The following FLT4 variants were observed in gnomAD, a reference collection of about 807,000 sequenced individuals.
The protein encoded by FLT4 is vascular endothelial growth factor receptor 3.
Under a neutral mutation model 163.2 loss-of-function variants are expected in FLT4, and 30 were observed. That is an observed-to-expected ratio of 0.18 (90% CI 0.14 to 0.25). The LOEUF is 0.25. Among genes scored for constraint, FLT4 ranks in the 10% least tolerant of loss-of-function variants. The pLI, the probability that FLT4 is intolerant of heterozygous loss-of-function variation, is 1.00. For synonymous variants in FLT4, 884 were observed against 789.5 expected, an observed-to-expected ratio of 1.12 and a Z score of -2.01; for missense variants, 1,510 against 1,863.8, an observed-to-expected ratio of 0.81 and a Z score of 3.50.
chr5:180,613,644 A>G, intron 24 of FLT4: 2 of 317,046 alleles, frequency 6.3e-6, no homozygotes, highest in Non-Finnish European at 1.2e-5. Context: ...AGCGTGGATC[A>G]GTTGCCACTT....
intron 10 of FLT4, 103 bp from the exon 11 acceptor site, chr5:180,624,164 A>C: frequency 2.2e-6 from 3 of 1,356,002 alleles, no homozygotes; most frequent in Non-Finnish European, 2.0e-6. Context: ...ACCTTCTCAT[A>C]TGGGGTCGTG....
At chr5:180,641,957 A>C (rs455169) in intron 1 of FLT4, among the ~76,000 whole-genome samples, 30,707 of 152,106 alleles carry the variant, frequency 0.2, 3,452 homozygotes, top group African/African-American at 0.29. Flanking sequence ...GCCTGTAATC[A>C]CAGCACTTTG....
chr5:180,603,431 C>T, intron 29 of FLT4, 41 bp from the exon 30 acceptor site: 1 of 1,592,440 alleles, frequency 6.3e-7, no homozygotes, highest in South Asian at 1.1e-5. Context: ...GAGAAGAAGG[C>T]TGGGTGGCGG....
At chr5:180,608,116 C>T in intron 29 of FLT4, 1 of 700,484 alleles carries the variant, frequency 1.4e-6, no homozygotes, top group South Asian at 1.5e-5. Flanking sequence ...TCAGTGGTCA[C>T]ACTCCTTGTC....
rs1354599057 is a variant in FLT4, at chr5:180,621,017, G to T, written c.2168-10C>A. The T allele has an allele frequency of 6.2e-7, 1 of 1,611,546 alleles. No homozygotes were observed. Among genetic ancestry groups the T allele is most frequent in the South Asian group, 1.1e-5 (1 of 91,044 alleles). The stretch of plus-strand genomic sequence containing the variant: ...TCCGCCAAGTCGACTCCTGCAGGGG[G>T]TGGGGTGGAGGTGCGGGTCCACCTG... On this transcript the variant is annotated splice_polypyrimidine_tract_variant and intron_variant, in intron 14 of 29. Transcript: ENST00000261937.
At chr5:180,642,433 G>C (rs575441947) in intron 1 of FLT4, among the ~76,000 whole-genome samples, 1 of 152,280 alleles carries the variant, frequency 6.6e-6, no homozygotes, top group East Asian at 1.9e-4. Context: ...ACACAGGCCA[G>C]AGTGCCGGTG....
upstream of FLT4, chr5:180,649,647 G>A: frequency 4.3e-6 from 2 of 468,188 alleles, no homozygotes; most frequent in Non-Finnish European, 5.9e-6. Context: ...GGCGGGGCGG[G>A]GGCCGGAGGC....
intron 10 of FLT4, among the ~76,000 whole-genome samples, chr5:180,624,427 C>A (rs753717260): frequency 3.3e-5 from 5 of 152,138 alleles, no homozygotes; most frequent in Admixed American, 6.5e-5. Flanking sequence ...CGGGGTTTCT[C>A]CATGTTGGTC....
chr5:180,612,512 G>A lies in FLT4; in HGVS notation c.3531C>T (p.Gly1177=), dbSNP rs781065996. 8 of 1,612,306 alleles carry A rather than the reference G, an allele frequency of 5.0e-6. No homozygotes were observed. The highest frequency in any genetic ancestry group is 6.8e-6 in the Non-Finnish European group (8 of 1,178,536). ...GGGTGGGGAAGGGGCTCACTTGCAGGCCCCTGCCCTGGAGCAGGTCCCCCA... is the reference window on the plus strand; with the variant it reads ...GGGTGGGGAAGGGGCTCACTTGCAGACCCCTGCCCTGGAGCAGGTCCCCCA... The part of the protein sequence containing the change: ...EILGDLLQGR[G]LQEEEEVCMA... Residue 1177 remains glycine, a synonymous_variant, in exon 26 of 30, where the codon GGC becomes GGT. Transcript: ENST00000261937.
intron 19 of FLT4, 43 bp downstream of exon 19, chr5:180,619,194 CCGCCCGCGGCGCCCCG>C: frequency 7.4e-7 from 1 of 1,346,326 alleles, no homozygotes; most frequent in Non-Finnish European, 9.6e-7. Context: ...GCGCCCCCTC[CCGCCCGCGGCGCCCCG>C]CGCCCGGGGT....
chr5:180,637,245 G>A (rs989082221), intron 1 of FLT4, among the ~76,000 whole-genome samples: 42 of 151,194 alleles, frequency 2.8e-4, no homozygotes, highest in African/African-American at 9.3e-4. Context: ...CAGGAGAATC[G>A]CTTGAACCTG....
In FLT4 at chr5:180,623,938, ATTC is replaced by A. The variant is rs1405033073; in HGVS notation, c.1542_1544del (p.Lys514del). On this transcript the variant is annotated inframe_deletion, in exon 11 of 30. Transcript: ENST00000261937. This position sits in a 1 kb window ranked among gnomAD's most constrained non-coding sequence, Gnocchi z 5.8. Reference sequence around the variant, plus strand: ...CAGCAGCGCGGCTGGCCTGTACCTTATTCTTTCCCTCCACAAACTCGGTCCAGG... The same window carrying A: ...CAGCAGCGCGGCTGGCCTGTACCTTATTTCCCTCCACAAACTCGGTCCAGG... The A allele has an allele frequency of 6.2e-7, 1 of 1,613,354 alleles. No homozygotes were observed. Among genetic ancestry groups the A allele is most frequent in the South Asian group, 1.1e-5 (1 of 91,066 alleles).
chr5:180,647,454 G>A (rs566522802), intron 1 of FLT4, among the ~76,000 whole-genome samples: 52 of 152,254 alleles, frequency 3.4e-4, no homozygotes, highest in African/African-American at 1.2e-3. Context: ...GGACTTTACG[G>A]CAGAGGCAGG....
rs1335252025 is a variant in FLT4 at position 180,602,161 on chromosome 5, A to G, written c.*1031T>C. 4 of 234,308 alleles carry G rather than the reference A, an allele frequency of 1.7e-5. No individual in the cohort carries two copies. The highest frequency in any genetic ancestry group is 3.4e-5 in the Non-Finnish European group (4 of 118,908). The allele number at this position is 234,308 out of a possible 1,614,324, so 14.5% of individuals were successfully genotyped here. A position where few individuals can be genotyped will look rare whatever the true frequency, so the allele number is the denominator to read the frequency against. Reference sequence around the variant, plus strand: ...ATGTCCACTGAGTGCTGGGTGGCACAGGGCAATGCTGGGTGGTCCTTTGTG... The same window carrying G: ...ATGTCCACTGAGTGCTGGGTGGCACGGGGCAATGCTGGGTGGTCCTTTGTG... On this transcript the variant is annotated 3_prime_UTR_variant, in exon 30 of 30. Coordinates refer to ENST00000261937, the MANE Select transcript of FLT4 (RefSeq NM_182925.5).
rs1218205510 is a variant in FLT4 at position 180,616,989 on chromosome 5, C to T, written c.3007G>A (p.Asp1003Asn). 1 of 1,612,910 alleles carries T rather than the reference C, an allele frequency of 6.2e-7. No individual in the cohort carries two copies. The highest frequency in any genetic ancestry group is 2.2e-5 in the East Asian group (1 of 44,886). The stretch of plus-strand genomic sequence containing the variant: ...ATGGTCAGCGGGCTCAGCCACAGGT[C>T]CTCAGCTACACAGTGGAGCCAGGTG... The part of the protein sequence containing the change: ...RRASPDQEAE[D>N]LWLSPLTMED... Residue 1003 changes from aspartate to asparagine, a missense_variant, in exon 22 of 30, where the codon GAC becomes AAC. Coordinates refer to ENST00000261937, the MANE Select transcript of FLT4 (RefSeq NM_182925.5).
chr5:180,639,526 G>A (rs1212121091), intron 1 of FLT4, among the ~76,000 whole-genome samples: 3 of 151,864 alleles, frequency 2.0e-5, no homozygotes, highest in African/African-American at 7.3e-5. Flanking sequence ...AAGGATGAAT[G>A]GATGGTGGAA....
chr5:180,605,398 T>C (rs777431899), intron 29 of FLT4, among the ~76,000 whole-genome samples: 1 of 152,230 alleles, frequency 6.6e-6, no homozygotes, highest in Non-Finnish European at 1.5e-5. Context: ...TTTCCTTATA[T>C]GTTTAATTCA....
chr5:180,619,747 G>C lies in FLT4; in HGVS notation c.2565C>G (p.Ala855=), dbSNP rs2127809604. 6.2e-7 allele frequency: 1 copy of C among 1,612,492 alleles called. No individual in the cohort carries two copies. Among genetic ancestry groups the C allele is most frequent in the Non-Finnish European group, 8.5e-7 (1 of 1,179,868 alleles). Residue 855 remains alanine (A), a synonymous_variant, in exon 18 of 30, where the codon GCC becomes GCG. Coordinates refer to ENST00000261937, the MANE Select transcript of FLT4 (RefSeq NM_182925.5). ...LHLGRVLGYG[A]FGKVVEASAF... ...CGGAGGCTTCCACCACCTTCCCGAA[G>C]GCGCCGTAGCCGAGCACTCTCCCTG...
upstream of FLT4, among the ~76,000 whole-genome samples, chr5:180,649,828 G>A (rs1230000854): frequency 1.3e-5 from 2 of 152,072 alleles, no homozygotes; most frequent in African/African-American, 4.8e-5. Flanking sequence ...CTCGCGATGC[G>A]CTCCGGAGGT....
Sources: allele counts gnomAD v4.1 joint callset (sites outside exome capture counted in the v4.1 genomes callset), GRCh38; gene constraint gnomAD v4.1.1; non-coding constraint Gnocchi (gnomAD v3.1); transcripts MANE v1.5; gene names NCBI Gene and HGNC (gene_info 2026-07-23, HGNC 2026-07-21).